TRAPPC10: variants seen among roughly 807,000 people sequenced by gnomAD.
TRAPPC10 encodes TRAPP 130 kDa subunit.
In TRAPPC10, 23 loss-of-function variants were observed where a neutral mutation model predicts 125.5. The observed-to-expected ratio is 0.18, with a 90% CI of 0.13 to 0.26. The LOEUF (loss-of-function observed/expected upper bound fraction) is 0.26, where lower values mean the gene tolerates loss of function less well. Among genes scored for constraint, TRAPPC10 ranks in the 10% least tolerant of loss-of-function variants. The pLI is 1.00. For synonymous variants in TRAPPC10, 509 were observed against 518.0 expected (o/e 0.98, Z 0.24); for missense variants, 1,123 against 1,308.4 (o/e 0.86, Z 2.19).
Position 44,059,690 on chromosome 21 carries a change from GA to G in TRAPPC10, c.790+479del. The G allele has an allele frequency of 1.8e-6, 1 of 541,354 alleles. No homozygotes were observed. The highest frequency in any genetic ancestry group is 3.3e-6 in the Non-Finnish European group (1 of 303,164). 33.5% of individuals were successfully genotyped at this position (541,354 alleles called of 1,614,324 possible). A position where few individuals can be genotyped will look rare whatever the true frequency, so the allele number is the denominator to read the frequency against. The stretch of plus-strand genomic sequence containing the variant: ...TTTACAATTAAAGAATTAGCACAGT[GA>G]AACCATACACAGAGAGAAACATTGG... On this transcript the variant is annotated intron_variant, in intron 6 of 22. Coordinates refer to ENST00000291574, the MANE Select transcript of TRAPPC10 (RefSeq NM_003274.5). This position sits in a 1 kb window ranked among gnomAD's most constrained non-coding sequence, Gnocchi z 4.4.
chr21:44,076,617 A>C lies in TRAPPC10; in HGVS notation c.1366A>C (p.Lys456Gln). 6.2e-7 allele frequency: 1 copy of C among 1,612,584 alleles called. No homozygotes were observed. The highest frequency in any genetic ancestry group is 8.5e-7 in the Non-Finnish European group (1 of 1,178,588). The change falls in exon 10 of 23, where the codon AAA (lysine) becomes CAA (glutamine). Residue 456 changes from lysine to glutamine, a missense_variant. Lys to Gln is a moderately conservative substitution (Grantham distance 53). This residue lies in a region of TRAPPC10 where 840 missense variants were observed against 902.0 expected (regional missense o/e 0.93). Transcript: ENST00000291574. The stretch of plus-strand genomic sequence containing the variant: ...ATTATCGTCAGTGGAAGCTTTTGAA[A>C]AACACTACTTAGTAAGTATTAACAA... ...EALSSVEAFE[K>Q]HYLDLSHATI...
At chr21:44,090,558 A>C (rs965233261) in intron 18 of TRAPPC10, among the ~76,000 whole-genome samples, 3 of 152,108 alleles carry the variant, frequency 2.0e-5, no homozygotes, top group Non-Finnish European at 4.4e-5. Flanking sequence ...GCCCCAGTGG[A>C]AAACAGCTGC....
intron 5 of TRAPPC10, among the ~76,000 whole-genome samples, chr21:44,058,327 C>G (rs2145879279): frequency 6.6e-6 from 1 of 151,908 alleles, no homozygotes; most frequent in South Asian, 2.1e-4. Flanking sequence ...CAGCTCCCTG[C>G]CACGCACACG....
rs746227586 is a variant in TRAPPC10, at chr21:44,094,127, C to G, written c.3062C>G (p.Pro1021Arg). ...WELKWTEEPP[P>R]SLHCRFSVGF... ...CTCAAGTGGACAGAAGAGCCTCCCC[C>G]TTCTCTGCATTGCCGGTTCTCTGTT... Residue 1021 changes from proline to arginine, a missense_variant, in exon 20 of 23, where the codon CCT becomes CGT. Physicochemically the swap from Pro to Arg is moderately radical, Grantham distance 103. Transcript: ENST00000291574. 27 of 1,614,120 alleles carry G rather than the reference C, an allele frequency of 1.7e-5. No homozygotes were observed. Among genetic ancestry groups the G allele is most frequent in the Admixed American group, 5.0e-5 (3 of 60,010 alleles).
intron 5 of TRAPPC10, among the ~76,000 whole-genome samples, 174 bp from the exon 6 acceptor site, chr21:44,058,929 G>A (rs941184898): frequency 2.0e-5 from 3 of 152,232 alleles, no homozygotes; most frequent in Non-Finnish European, 4.4e-5. Context: ...CTAGCTTCTT[G>A]TGCATGCGTG....
rs764930393 is a variant in TRAPPC10, at chr21:44,087,903, G to A, written c.2744G>A (p.Arg915His). Residue 915 changes from arginine to histidine, a missense_variant, in exon 17 of 23, where the codon CGC becomes CAC. Arg to His is a conservative substitution (Grantham distance 29). Coordinates refer to ENST00000291574, the MANE Select transcript of TRAPPC10 (RefSeq NM_003274.5). This position sits in a 1 kb window ranked among gnomAD's most constrained non-coding sequence, Gnocchi z 4.6. ...RKHKDKQRTGRCMVTTDHKVS... is the reference protein window; with the variant it reads ...RKHKDKQRTGHCMVTTDHKVS... ...CATAAGGACAAACAGAGAACTGGCC[G>A]CTGCATGGTTACCACAGACCACAAA... The A allele has an allele frequency of 3.2e-5, 52 of 1,613,832 alleles. No individual in the cohort carries two copies. The highest frequency in any genetic ancestry group is 3.3e-4 in the Middle Eastern group (2 of 6,016).
intron 1 of TRAPPC10, among the ~76,000 whole-genome samples, chr21:44,027,220 T>C (rs2033153298): frequency 6.6e-6 from 1 of 152,200 alleles, no homozygotes; most frequent in African/African-American, 2.4e-5. Context: ...AATAGAAGTA[T>C]TGACCTTGAA....
chr21:44,059,777 A>G lies in TRAPPC10; in HGVS notation c.790+563A>G. The G allele has an allele frequency of 2.4e-6, 1 of 410,106 alleles. No individual in the cohort carries two copies. Among genetic ancestry groups the G allele is most frequent in the Non-Finnish European group, 4.3e-6 (1 of 231,752 alleles). 25.4% of individuals were successfully genotyped at this position (410,106 alleles called of 1,614,324 possible). A position where few individuals can be genotyped will look rare whatever the true frequency, so the allele number is the denominator to read the frequency against. ...TGATGAAAGTGATACCACGTTATAT[A>G]GCTGTTTCTCTGTCGCTCCTTTTTG... is the stretch of plus-strand genomic sequence containing the variant. On this transcript the variant is annotated intron_variant, in intron 6 of 22. Transcript: ENST00000291574. The surrounding 1 kb of genome is among the most constrained non-coding windows in gnomAD (Gnocchi z 4.4).
At chr21:44,012,614 TG>T in intron 1 of TRAPPC10, 54 bp downstream of exon 1, 2 of 1,462,890 alleles carry the variant, frequency 1.4e-6, no homozygotes. Flanking sequence ...GCCCGGGCCC[TG>T]GCGTTATGCA....
At chr21:44,020,917 G>A (rs968265303) in intron 1 of TRAPPC10, among the ~76,000 whole-genome samples, 1 of 152,188 alleles carries the variant, frequency 6.6e-6, no homozygotes, top group Non-Finnish European at 1.5e-5. Context: ...ATATTAGCAT[G>A]TCTGATGACT....
intron 1 of TRAPPC10, among the ~76,000 whole-genome samples, chr21:44,028,639 T>A (rs968312036): frequency 5.6e-4 from 86 of 152,304 alleles, no homozygotes; most frequent in African/African-American, 1.9e-3. Context: ...TGAAGTTGTG[T>A]TTTGAATTGC....
At chr21:44,042,838 G>T (rs1230682481) in intron 3 of TRAPPC10, among the ~76,000 whole-genome samples, 2 of 152,118 alleles carry the variant, frequency 1.3e-5, no homozygotes, top group Non-Finnish European at 2.9e-5. Flanking sequence ...AGTTTTTATG[G>T]AGTGAAATAT....
intron 1 of TRAPPC10, among the ~76,000 whole-genome samples, chr21:44,030,671 T>C (rs1601591446): frequency 2.6e-5 from 4 of 152,244 alleles, no homozygotes; most frequent in Middle Eastern, 6.8e-3. Flanking sequence ...TTTCTCCATG[T>C]TGGTCAGGCT....
intron 1 of TRAPPC10, among the ~76,000 whole-genome samples, chr21:44,029,386 G>A (rs1026707810): frequency 2.0e-5 from 3 of 152,164 alleles, no homozygotes; most frequent in South Asian, 2.1e-4. Context: ...GAGCCACTGC[G>A]CCCAGCTGCT....
At chr21:44,078,103 A>G (rs2037416077) in intron 11 of TRAPPC10, among the ~76,000 whole-genome samples, 1 of 152,172 alleles carries the variant, frequency 6.6e-6, no homozygotes, top group South Asian at 2.1e-4. Flanking sequence ...ATTCTTACAT[A>G]TTTTGTTATA....
intron 8 of TRAPPC10, 93 bp from the exon 9 acceptor site, chr21:44,074,946 A>G (rs1276292728): frequency 5.2e-6 from 5 of 958,770 alleles, no homozygotes; most frequent in Non-Finnish European, 6.3e-6. Flanking sequence ...TTCTTCTAGA[A>G]TTTAGCTGGA....
chr21:44,072,905 C>T (rs1471964596), intron 7 of TRAPPC10, among the ~76,000 whole-genome samples: 1 of 152,192 alleles, frequency 6.6e-6, no homozygotes. Context: ...GGGAACCAGG[C>T]GGGCCTGCAA....
chr21:44,043,574 A>C (rs1176383353), intron 3 of TRAPPC10, among the ~76,000 whole-genome samples: 3 of 152,080 alleles, frequency 2.0e-5, no homozygotes, highest in African/African-American at 7.2e-5. Context: ...GGCCATCTAC[A>C]TTTTCCCTTC....
Position 44,080,114 on chromosome 21 carries a change from G to C in TRAPPC10, c.1710G>C (p.Pro570=). 6.2e-7 allele frequency: 1 copy of C among 1,614,002 alleles called. No individual in the cohort carries two copies. The highest frequency in any genetic ancestry group is 8.5e-7 in the Non-Finnish European group (1 of 1,179,938). Residue 570 remains proline (P), a synonymous_variant, in exon 13 of 23, where the codon CCG becomes CCC. Transcript: ENST00000291574. ...AGATACTTGACTTTGCCAGCCAGCC[G>C]TCAGACAGCCCAGGTAAGACCAGTT... ...CQEILDFASQ[P]SDSPGHKIVL...
Sources: allele counts gnomAD v4.1 joint callset (sites outside exome capture counted in the v4.1 genomes callset), GRCh38; gene constraint gnomAD v4.1.1; regional missense constraint gnomAD v4.1.1; non-coding constraint Gnocchi (gnomAD v3.1); transcripts MANE v1.5; gene names NCBI Gene and HGNC (gene_info 2026-07-23, HGNC 2026-07-21).